Variants in CHRNA7 observed in about 807,000 individuals in gnomAD.
CHRNA7 encodes the protein cholinergic receptor nicotinic alpha 7 subunit, also known as neuronal acetylcholine receptor subunit alpha-7.
In CHRNA7, 17 loss-of-function variants were observed where a neutral mutation model predicts 48.0. The observed-to-expected ratio is 0.35, with a 90% CI of 0.24 to 0.53. The LOEUF is 0.53. Among genes scored for constraint, CHRNA7 ranks in the 20% least tolerant of loss-of-function variants. The probability of loss-of-function intolerance (pLI) is 0.92; values close to 1 mark genes in which losing one functional copy is unlikely to be tolerated. For synonymous variants in CHRNA7, 75 were observed against 242.3 expected, an observed-to-expected ratio of 0.31 and a Z score of 6.41; for missense variants, 155 against 577.7, an observed-to-expected ratio of 0.27 and a Z score of 7.50.
intron 4 of CHRNA7, among the ~76,000 whole-genome samples, chr15:32,125,710 ATTG>A (rs1488122236): frequency 6.6e-6 from 1 of 152,148 alleles, no homozygotes; most frequent in African/African-American, 2.4e-5. Context: ...CTGCCGAGTG[ATTG>A]TTAACAATGG....
intron 2 of CHRNA7, among the ~76,000 whole-genome samples, chr15:32,066,578 C>T (rs2049970826): frequency 6.6e-6 from 1 of 152,144 alleles, no homozygotes; most frequent in Non-Finnish European, 1.5e-5. Context: ...CCATGCCCAG[C>T]CACATTGTAG....
intron 2 of CHRNA7, among the ~76,000 whole-genome samples, chr15:32,068,152 A>G (rs1485624875): frequency 2.0e-5 from 3 of 152,056 alleles, no homozygotes; most frequent in Non-Finnish European, 4.4e-5. Flanking sequence ...TCTCTACAAA[A>G]AAAAGAAAAA....
Position 32,168,754 on chromosome 15 carries a change from G to GTTTTTTC in CHRNA7, c.*296_*297insTTTTTTC. 5 of 82,310 alleles carry GTTTTTTC rather than the reference G, an allele frequency of 6.1e-5. No homozygotes were observed. The highest frequency in any genetic ancestry group is 6.2e-5 in the Non-Finnish European group (3 of 48,246). 5.1% of individuals were successfully genotyped at this position (82,310 alleles called of 1,614,324 possible). On this transcript the variant is annotated 3_prime_UTR_variant, in exon 10 of 10. Transcript: ENST00000306901. ...CCCACTGCCTGGAAAGCCCTTCGGA[G>GTTTTTTC]AGCTCCCCATGGCTCCTCACCACCG...
chr15:32,133,065 A>G lies in CHRNA7; in HGVS notation c.351-20842A>G, dbSNP rs114104501. 3.9e-3 allele frequency among the ~76,000 whole-genome samples: 598 copies of G among 152,278 alleles called. 4 individuals are homozygous for G. The highest frequency in any genetic ancestry group is 0.013 in the African/African-American group (559 of 41,562). Reference sequence around the variant, plus strand: ...CAGTCAGCATTGTCACTGGGGGACGAGCTGGCAGGGTGCAATGTTGTTCCC... The same window carrying G: ...CAGTCAGCATTGTCACTGGGGGACGGGCTGGCAGGGTGCAATGTTGTTCCC... On this transcript the variant is annotated intron_variant, in intron 4 of 9. Coordinates refer to ENST00000306901, the MANE Select transcript of CHRNA7 (RefSeq NM_000746.6).
In CHRNA7 at chr15:32,116,146, AG is replaced by A. The variant is rs567784504; in HGVS notation, c.350+4252del. On this transcript the variant is annotated intron_variant, in intron 4 of 9. Coordinates refer to ENST00000306901, the MANE Select transcript of CHRNA7 (RefSeq NM_000746.6). ...GGAGTCGAGGGGCTTTTCCTAAAGG[AG>A]GGGGTTAAATGCATCCTGTGTAAGC... Among the ~76,000 whole-genome samples, 34 of 152,274 alleles carry A rather than the reference AG, an allele frequency of 2.2e-4. No homozygotes were observed. The South Asian group carries it at 6.2e-3, about 28-fold the overall frequency.
chr15:32,127,225 A>G (rs1238317573), intron 4 of CHRNA7, among the ~76,000 whole-genome samples: 4 of 152,152 alleles, frequency 2.6e-5, no homozygotes, highest in African/African-American at 9.7e-5. Flanking sequence ...ATTAACAGAT[A>G]TTTGAGATGT....
intron 4 of CHRNA7, among the ~76,000 whole-genome samples, chr15:32,133,145 T>C (rs1280005661): frequency 1.3e-5 from 2 of 152,206 alleles, no homozygotes; most frequent in African/African-American, 4.8e-5. Context: ...TTTCCACCCA[T>C]GATGAATAGT....
At chr15:32,081,519 T>G (rs1218228421) in intron 2 of CHRNA7, among the ~76,000 whole-genome samples, 4 of 152,194 alleles carry the variant, frequency 2.6e-5, no homozygotes, top group Admixed American at 6.5e-5. Flanking sequence ...ATATATAAAT[T>G]ATTCCAATGA....
chr15:32,133,064 G>A (rs2051183591), intron 4 of CHRNA7, among the ~76,000 whole-genome samples: 1 of 152,164 alleles, frequency 6.6e-6, no homozygotes, highest in East Asian at 1.9e-4. Context: ...ACTGGGGGAC[G>A]AGCTGGCAGG....
At chr15:32,044,288 T>G (rs201017031) in intron 2 of CHRNA7, among the ~76,000 whole-genome samples, 1 of 19,514 alleles carries the variant, frequency 5.1e-5, no homozygotes, top group African/African-American at 1.3e-4. Context: ...TCCTTCCTTC[T>G]TTTTTTGGGG....
intron 2 of CHRNA7, among the ~76,000 whole-genome samples, chr15:32,055,988 A>T (rs1233803032): frequency 1.3e-5 from 2 of 152,002 alleles, no homozygotes; most frequent in Admixed American, 6.5e-5. Context: ...CAAAAAAAAA[A>T]ACCAAAAAAC....
At chr15:32,086,727 C>G (rs986844515) in intron 2 of CHRNA7, among the ~76,000 whole-genome samples, 10 of 152,176 alleles carry the variant, frequency 6.6e-5, no homozygotes, top group Admixed American at 3.3e-4. Flanking sequence ...CTGATGATCT[C>G]GACAGTTTTG....
Position 32,086,305 on chromosome 15 carries a change from G to C in CHRNA7, c.196-14998G>C, listed in dbSNP as rs192296616. On this transcript the variant is annotated intron_variant, in intron 2 of 9. Coordinates refer to ENST00000306901, the MANE Select transcript of CHRNA7 (RefSeq NM_000746.6). ...AATGGCGTGAACCCTGGAGGCGGAG[G>C]TTGCAGTGAGCCAAGATTGCACCAC... is the stretch of plus-strand genomic sequence containing the variant. 9.6e-4 allele frequency among the ~76,000 whole-genome samples: 144 copies of C among 149,814 alleles called. 1 individual carries two copies. Among genetic ancestry groups the C allele is most frequent in the Middle Eastern group, 6.9e-3 (2 of 290 alleles).
At chr15:32,105,482 A>G (rs1222120725) in intron 3 of CHRNA7, among the ~76,000 whole-genome samples, 2 of 137,140 alleles carry the variant, frequency 1.5e-5, no homozygotes, top group Non-Finnish European at 3.2e-5. Flanking sequence ...GGAGAGGAGG[A>G]AAGGAGGAGG....
At chr15:32,127,106 C>A (rs919933311) in intron 4 of CHRNA7, among the ~76,000 whole-genome samples, 1 of 152,126 alleles carries the variant, frequency 6.6e-6, no homozygotes, top group Admixed American at 6.5e-5. Flanking sequence ...GTCATTGTGG[C>A]ATTTCAAGAA....
At chr15:32,047,654 A>G (rs1010075058) in intron 2 of CHRNA7, among the ~76,000 whole-genome samples, 2 of 152,040 alleles carry the variant, frequency 1.3e-5, no homozygotes, top group Admixed American at 1.3e-4. Context: ...CTAATTGAAT[A>G]CCCTTTATTT....
intron 4 of CHRNA7, among the ~76,000 whole-genome samples, chr15:32,115,698 G>T (rs998678152): frequency 6.6e-6 from 1 of 152,146 alleles, no homozygotes; most frequent in Non-Finnish European, 1.5e-5. Flanking sequence ...ACGTAGAAAA[G>T]GATTCCTGTC....
intron 2 of CHRNA7, among the ~76,000 whole-genome samples, chr15:32,090,227 A>C (rs1764646156): frequency 6.6e-6 from 1 of 152,186 alleles, no homozygotes; most frequent in South Asian, 2.1e-4. Context: ...CCTAGCAGGG[A>C]TAAGCTCTGA....
At chr15:32,097,024 G>A (rs540879984) in intron 2 of CHRNA7, among the ~76,000 whole-genome samples, 4 of 152,166 alleles carry the variant, frequency 2.6e-5, no homozygotes, top group South Asian at 2.1e-4. Flanking sequence ...GAGTAGCCAC[G>A]TGGTGACAGC....
Sources: gnomAD v4.1 joint callset for allele counts (sites outside exome capture counted in the v4.1 genomes callset) on GRCh38, gnomAD v4.1.1 for gene constraint, MANE v1.5 for transcripts, NCBI Gene and HGNC (gene_info 2026-07-23, HGNC 2026-07-21) for gene names.